The following DFFB variants were observed in gnomAD, a reference collection of about 807,000 sequenced individuals.
DFFB encodes the protein DNA fragmentation factor 40 kDa subunit.
Under a neutral mutation model 32.7 loss-of-function variants are expected in DFFB, and 29 were observed. That is an observed-to-expected ratio of 0.89 (90% confidence interval 0.66 to 1.21). The LOEUF (loss-of-function observed/expected upper bound fraction) is 1.21, where lower values mean the gene tolerates loss of function less well. Ranked by LOEUF, DFFB falls within the 50% of genes most tolerant of loss-of-function variation. The pLI, the probability that DFFB is intolerant of heterozygous loss-of-function variation, is 0.00. For synonymous variants in DFFB, 170 were observed against 177.1 expected (o/e 0.96, Z 0.32); for missense variants, 398 against 440.6 (o/e 0.90, Z 0.87).
intron 6 of DFFB, among the ~76,000 whole-genome samples, chr1:3,879,475 T>C (rs1645294074): frequency 6.6e-6 from 1 of 152,110 alleles, no homozygotes; most frequent in South Asian, 2.1e-4. Flanking sequence ...ATAATGAAGG[T>C]CATGAGGGTG....
At position 3,883,694 on chromosome 1, in the gene DFFB, C is replaced by A. The variant is rs1255238379; in HGVS notation, c.970C>A (p.Pro324Thr). ...CTGTGACCCAAGCAGAATCTACAAA[C>A]CCCAGACAAGGTTGAAGCGGAAGCA... ...LNCDPSRIYK[P>T]QTRLKRKQPV... The change falls in exon 7 of 7, where the codon CCC becomes ACC. Residue 324 changes from proline (P) to threonine (T), a missense_variant. Pro to Thr is a conservative substitution (Grantham distance 38). Transcript: ENST00000378209. 2 of 1,613,950 alleles carry A rather than the reference C, an allele frequency of 1.2e-6. No homozygotes were observed. The highest frequency in any genetic ancestry group is 2.7e-5 in the African/African-American group (2 of 74,896).
Position 3,883,797 on chromosome 1 carries a change from A to C in DFFB, c.*56A>C. The C allele has an allele frequency of 2.7e-6, 4 of 1,498,282 alleles. No individual in the cohort carries two copies. Among genetic ancestry groups the C allele is most frequent in the Non-Finnish European group, 3.7e-6 (4 of 1,092,258 alleles). The allele number at this position is 1,498,282 out of a possible 1,614,324, so 92.8% of individuals were successfully genotyped here. A position where few individuals can be genotyped will look rare whatever the true frequency, so the allele number is the denominator to read the frequency against. On this transcript the variant is annotated 3_prime_UTR_variant, in exon 7 of 7. Transcript: ENST00000378209. ...GAGGCCTGACGTGGGCATCATTTTA[A>C]CAGGTGCCTTTTTTGTTTTTTTGTT... is the stretch of plus-strand genomic sequence containing the variant.
intron 6 of DFFB, among the ~76,000 whole-genome samples, chr1:3,873,333 G>A (rs1191645715): frequency 2.6e-5 from 4 of 152,200 alleles, no homozygotes; most frequent in African/African-American, 4.8e-5. Flanking sequence ...GAAGACAGAA[G>A]CCTTCAAATG....
chr1:3,871,242 G>C (rs1382585357), intron 5 of DFFB, among the ~76,000 whole-genome samples: 5 of 152,206 alleles, frequency 3.3e-5, no homozygotes, highest in East Asian at 1.9e-4. Flanking sequence ...CATATTGTTA[G>C]GGGTAATGAG....
chr1:3,869,386 G>T (rs957736503), intron 4 of DFFB, among the ~76,000 whole-genome samples: 1 of 152,190 alleles, frequency 6.6e-6, no homozygotes, highest in Admixed American at 6.5e-5. Context: ...GTCTCACCCA[G>T]CCTGGGGGCT....
chr1:3,872,629 C>CACGGCCCT (rs1645142470), intron 6 of DFFB, 57 bp downstream of exon 6: 19 of 1,483,548 alleles, frequency 1.3e-5, no homozygotes, highest in Middle Eastern at 3.4e-4. Context: ...CTGTCCCTGC[C>CACGGCCCT]GTGGCCCTGT....
intron 5 of DFFB, among the ~76,000 whole-genome samples, chr1:3,871,055 G>A (rs111459784): frequency 0.015 from 2,309 of 152,320 alleles, 46 homozygotes; most frequent in South Asian, 0.047. Context: ...TCAGGAAGCC[G>A]CGGGCAATGG....
chr1:3,876,140 C>G (rs1645217180), intron 6 of DFFB, among the ~76,000 whole-genome samples: 1 of 152,190 alleles, frequency 6.6e-6, no homozygotes, highest in African/African-American at 2.4e-5. Flanking sequence ...AAATCCTGCC[C>G]TACCCTGTCT....
intron 2 of DFFB, among the ~76,000 whole-genome samples, chr1:3,862,878 G>A (rs371363784): frequency 2.9e-4 from 44 of 152,248 alleles, no homozygotes; most frequent in African/African-American, 9.6e-4. Context: ...GCCCGGGCAC[G>A]GTGGCTCAAG....
chr1:3,874,147 C>CGT (rs558099228), intron 6 of DFFB, among the ~76,000 whole-genome samples: 1 of 151,236 alleles, frequency 6.6e-6, no homozygotes, highest in Non-Finnish European at 1.5e-5. Context: ...TTACCACACG[C>CGT]GTGTGAGTTT....
Position 3,865,620 on chromosome 1 carries a change from C to A in DFFB, c.242-192C>A. The stretch of plus-strand genomic sequence containing the variant: ...TGCCCCTCCCTCCTCTGTCCTCATG[C>A]CGCCCTTGTGCGTGGTCCCCAGCTG... On this transcript the variant is annotated intron_variant, in intron 2 of 6. Transcript: ENST00000378209. The surrounding 1 kb of genome is among the most constrained non-coding windows in gnomAD (Gnocchi z 4.7). 1 of 802,472 alleles carries A rather than the reference C, an allele frequency of 1.2e-6. No individual in the cohort carries two copies. The highest frequency in any genetic ancestry group is 2.2e-6 in the Non-Finnish European group (1 of 461,668). 49.7% of individuals were successfully genotyped at this position (802,472 alleles called of 1,614,324 possible).
intron 2 of DFFB, among the ~76,000 whole-genome samples, chr1:3,859,415 G>A (rs1263713622): frequency 1.3e-5 from 2 of 152,166 alleles, no homozygotes; most frequent in Non-Finnish European, 2.9e-5. Flanking sequence ...CAAGGTCTGC[G>A]CTTGTTTGAC....
rs574477068 is a variant in DFFB at position 3,875,747 on chromosome 1, G to A, written c.782+3175G>A. ...GGCATGCTTTACACATTCTGGATACGTTAATCCTATGATATCTTTTATCAC... is the reference window on the plus strand; with the variant it reads ...GGCATGCTTTACACATTCTGGATACATTAATCCTATGATATCTTTTATCAC... On this transcript the variant is annotated intron_variant, in intron 6 of 6. Coordinates refer to ENST00000378209, the MANE Select transcript of DFFB (RefSeq NM_004402.4). Among the ~76,000 whole-genome samples, 72 of 152,138 alleles carry A rather than the reference G, an allele frequency of 4.7e-4. 1 individual carries two copies. The highest frequency in any genetic ancestry group is 8.7e-4 in the Non-Finnish European group (59 of 68,014).
At position 3,872,607 on chromosome 1, in the gene DFFB, G is replaced by C. The variant is rs141093368; in HGVS notation, c.782+35G>C. Reference sequence around the variant, plus strand: ...CAGAGCGAGGTTCAGACCCACGAGTGCCTGCAGGGCCCTGTCCCTGCCGTG... The same window carrying C: ...CAGAGCGAGGTTCAGACCCACGAGTCCCTGCAGGGCCCTGTCCCTGCCGTG... On this transcript the variant is annotated intron_variant, in intron 6 of 6. Coordinates refer to ENST00000378209, the MANE Select transcript of DFFB (RefSeq NM_004402.4). 7.8e-4 allele frequency: 913 copies of C among 1,175,282 alleles called. 4 individuals are homozygous for C. The African/African-American group carries it at 0.018, about 23-fold the overall frequency. 72.8% of individuals were successfully genotyped at this position (1,175,282 alleles called of 1,614,324 possible). A position where few individuals can be genotyped will look rare whatever the true frequency, so the allele number is the denominator to read the frequency against.
intron 4 of DFFB, 102 bp downstream of exon 4, chr1:3,868,155 A>G (rs1645021104): frequency 9.5e-7 from 1 of 1,053,530 alleles, no homozygotes; most frequent in East Asian, 2.4e-5. Flanking sequence ...TGGTAGGACC[A>G]CACTCCGTGC....
chr1:3,872,350 T>C, intron 5 of DFFB, 122 bp from the exon 6 acceptor site: 1 of 664,612 alleles, frequency 1.5e-6, no homozygotes, highest in Non-Finnish European at 2.6e-6. Flanking sequence ...GAGGCGGAGG[T>C]TGTAGTAAGC....
At position 3,865,989 on chromosome 1, in the gene DFFB, C is replaced by G. The variant is rs773522402; in HGVS notation, c.419C>G (p.Pro140Arg). 6.4e-7 allele frequency: 1 copy of G among 1,567,432 alleles called. No homozygotes were observed. The change falls in exon 3 of 7, where the codon CCG becomes CGG. Residue 140 changes from proline (P) to arginine (R), a missense_variant. By Grantham distance (103) the Pro-to-Arg change is moderately radical. Transcript: ENST00000378209. This position sits in a 1 kb window ranked among gnomAD's most constrained non-coding sequence, Gnocchi z 4.7. ...GCCGAGACCCGGGCTGAGGACCCGCCGTGGTTTGAAGGTGCGTGGGGGCTG... is the reference window on the plus strand; with the variant it reads ...GCCGAGACCCGGGCTGAGGACCCGCGGTGGTTTGAAGGTGCGTGGGGGCTG... ...IAAETRAEDP[P>R]WFEGLESRFQ...
intron 1 of DFFB, 77 bp downstream of exon 1, chr1:3,857,794 C>T (rs1644780201): frequency 3.6e-6 from 4 of 1,121,458 alleles, no homozygotes; most frequent in Non-Finnish European, 4.8e-6. Flanking sequence ...TTTCCTCTTC[C>T]AAAACGGAGG....
chr1:3,877,671 T>C (rs1254483689), intron 6 of DFFB, among the ~76,000 whole-genome samples: 1 of 152,172 alleles, frequency 6.6e-6, no homozygotes, highest in Non-Finnish European at 1.5e-5. Context: ...ATGATTTTGT[T>C]TTTGATCCAT....
Sources: gnomAD v4.1 joint callset for allele counts (sites outside exome capture counted in the v4.1 genomes callset) on GRCh38, gnomAD v4.1.1 for gene constraint, Gnocchi (gnomAD v3.1) non-coding constraint, MANE v1.5 for transcripts, NCBI Gene and HGNC (gene_info 2026-07-23, HGNC 2026-07-21) for gene names.